The following CES3 variants were observed in gnomAD, a reference collection of about 807,000 sequenced individuals.
The protein encoded by CES3 is carboxylesterase 3.
Under a neutral mutation model 57.6 loss-of-function variants are expected in CES3, and 49 were observed. The observed-to-expected ratio is 0.85, with a 90% CI of 0.68 to 1.08. The LOEUF (loss-of-function observed/expected upper bound fraction) is 1.08, where lower values mean the gene tolerates loss of function less well. Among genes scored for constraint, CES3 ranks in the 50% least tolerant of loss-of-function variants. CES3 has a pLI of 0.00. For missense variants in CES3, 645 were observed against 742.0 expected, an observed-to-expected ratio of 0.87 and a Z score of 1.52; for synonymous variants, 266 against 281.6, an observed-to-expected ratio of 0.94 and a Z score of 0.55.
chr16:66,971,279 C>A lies in CES3; in HGVS notation c.1251C>A (p.Phe417Leu). ...TCCAGGAATTCATGGGTGACGTATT[C>A]ATCAATGTTCCCACCGTCAGTTTTT... The part of the protein sequence containing the change: ...QAFQEFMGDV[F>L]INVPTVSFSR... Residue 417 changes from phenylalanine to leucine, a missense_variant, in exon 10 of 13, where the codon TTC becomes TTA. Physicochemically the swap from Phe to Leu is conservative, Grantham distance 22. Transcript: ENST00000303334. The A allele has an allele frequency of 2.5e-6, 4 of 1,614,112 alleles. No homozygotes were observed. The highest frequency in any genetic ancestry group is 4.5e-5 in the East Asian group (2 of 44,880).
chr16:66,964,776 A>G, intron 6 of CES3, 49 bp downstream of exon 6: 1 of 1,469,910 alleles, frequency 6.8e-7, no homozygotes, highest in Non-Finnish European at 9.4e-7. Context: ...CCCATACCCC[A>G]CTCTGTGCTG....
At position 66,964,703 on chromosome 16, in the gene CES3, C is replaced by T. The variant is rs1963706044; in HGVS notation, c.795C>T (p.Asp265=). The part of the protein sequence containing the change: ...SGVITTPGII[D]SHPWPLAQKI... The stretch of plus-strand genomic sequence containing the variant: ...TCATCACCACCCCAGGGATCATCGA[C>T]TCTCACCCTTGGCCCCTAGCTCAGG... The change falls in exon 6 of 13, where the codon GAC becomes GAT. Residue 265 remains aspartate (D), a synonymous_variant. Transcript: ENST00000303334. 4 of 1,613,936 alleles carry T rather than the reference C, an allele frequency of 2.5e-6. No homozygotes were observed. Among genetic ancestry groups the T allele is most frequent in the Non-Finnish European group, 3.4e-6 (4 of 1,179,976 alleles).
intron 9 of CES3, among the ~76,000 whole-genome samples, chr16:66,970,388 G>A (rs1278177044): frequency 2.0e-5 from 3 of 152,302 alleles, no homozygotes; most frequent in South Asian, 2.1e-4. Context: ...GATTGCGAGC[G>A]TGGAGCCACC....
intron 9 of CES3, among the ~76,000 whole-genome samples, chr16:66,970,309 T>C (rs1963811160): frequency 6.6e-6 from 1 of 152,184 alleles, no homozygotes; most frequent in African/African-American, 2.4e-5. Flanking sequence ...GGTTTCACCA[T>C]GTTGGCCAGG....
chr16:66,964,769 A>C, intron 6 of CES3, 42 bp downstream of exon 6: 2 of 1,532,628 alleles, frequency 1.3e-6, no homozygotes, highest in Non-Finnish European at 1.8e-6. Context: ...TGTGCCTCCC[A>C]TACCCCACTC....
chr16:66,961,483 A>G, intron 1 of CES3, 94 bp downstream of exon 1: 1 of 983,844 alleles, frequency 1.0e-6, no homozygotes, highest in Non-Finnish European at 1.6e-6. Flanking sequence ...CGCTCAGGAA[A>G]CAGTCCTGTT....
Position 66,966,812 on chromosome 16 carries a change from G to C in CES3, c.1009G>C (p.Val337Leu), listed in dbSNP as rs1394890515. ...ELLKEKPFHS[V>L]PFLMGVNNHE... ...CCTGAAGGAGAAGCCCTTCCACTCT[G>C]TGCCCTTCCTCATGGGTGTCAACAA... The change falls in exon 8 of 13, where the codon GTG (valine) becomes CTG (leucine). Residue 337 changes from valine (V) to leucine (L), a missense_variant. Val to Leu is a conservative substitution (Grantham distance 32). Coordinates refer to ENST00000303334, the MANE Select transcript of CES3 (RefSeq NM_024922.6). 1.2e-6 allele frequency: 2 copies of C among 1,614,124 alleles called. No individual in the cohort carries two copies. The highest frequency in any genetic ancestry group is 1.7e-5 in the Admixed American group (1 of 60,014).
intron 9 of CES3, among the ~76,000 whole-genome samples, chr16:66,970,270 G>A (rs1004512687): frequency 5.3e-5 from 8 of 152,000 alleles, no homozygotes; most frequent in Admixed American, 1.3e-4. Context: ...CACCATGCCC[G>A]GCTAATTTTT....
chr16:66,967,029 C>T (rs1963743184), intron 8 of CES3, among the ~76,000 whole-genome samples, 164 bp downstream of exon 8: 1 of 152,118 alleles, frequency 6.6e-6, no homozygotes, highest in Non-Finnish European at 1.5e-5. Context: ...CCCAAGGTCA[C>T]CCAGCTTTGT....
rs563888639 is a variant in CES3, at chr16:66,963,227, G to C, written c.131G>C (p.Arg44Pro). The change falls in exon 2 of 13, where the codon CGA becomes CCA. Residue 44 changes from arginine (R) to proline (P), a missense_variant. Arg to Pro is a moderately radical substitution (Grantham distance 103). Transcript: ENST00000303334. This position sits in a 1 kb window ranked among gnomAD's most constrained non-coding sequence, Gnocchi z 4.9. ...PEVDTTLGRV[R>P]GRQVGVKGTD... ...GTAGACACCACCCTGGGTCGTGTGCGAGGCCGGCAGGTGGGCGTGAAGGGC... is the reference window on the plus strand; with the variant it reads ...GTAGACACCACCCTGGGTCGTGTGCCAGGCCGGCAGGTGGGCGTGAAGGGC... 1 of 1,614,230 alleles carries C rather than the reference G, an allele frequency of 6.2e-7. No homozygotes were observed. The highest frequency in any genetic ancestry group is 1.3e-5 in the African/African-American group (1 of 75,064).
Position 66,963,066 on chromosome 16 carries a change from G to T in CES3, c.83-113G>T, listed in dbSNP as rs1442493896. 1.7e-5 allele frequency: 19 copies of T among 1,143,446 alleles called. No homozygotes were observed. The highest frequency in any genetic ancestry group is 2.3e-5 in the Non-Finnish European group (18 of 775,118). The allele number at this position is 1,143,446 out of a possible 1,614,324, so 70.8% of individuals were successfully genotyped here. A position where few individuals can be genotyped will look rare whatever the true frequency, so the allele number is the denominator to read the frequency against. The stretch of plus-strand genomic sequence containing the variant: ...CCAGGCTCACCGGCTTGCTGGGAAG[G>T]TTACCAAGATGCTGTGTGGTAAGTA... On this transcript the variant is annotated intron_variant, in intron 1 of 12. Coordinates refer to ENST00000303334, the MANE Select transcript of CES3 (RefSeq NM_024922.6). This position sits in a 1 kb window ranked among gnomAD's most constrained non-coding sequence, Gnocchi z 4.9.
chr16:66,971,198 C>T lies in CES3; in HGVS notation c.1170C>T (p.Thr390=), dbSNP rs750177665. 2.3e-5 allele frequency: 37 copies of T among 1,613,732 alleles called. No homozygotes were observed. Among genetic ancestry groups the T allele is most frequent in the Middle Eastern group, 1.6e-4 (1 of 6,082 alleles). ...SLDVPPEMMP[T]VIDEYLGSNS... ...ATGTGCCCCCTGAGATGATGCCCACCGTCATAGATGAATACCTAGGAAGCA... is the reference window on the plus strand; with the variant it reads ...ATGTGCCCCCTGAGATGATGCCCACTGTCATAGATGAATACCTAGGAAGCA... The change falls in exon 10 of 13, where the codon ACC becomes ACT. Residue 390 remains threonine (T), a synonymous_variant. Coordinates refer to ENST00000303334, the MANE Select transcript of CES3 (RefSeq NM_024922.6).
rs1280702093 is a variant in CES3, at chr16:66,969,775, G to A, written c.1143+16G>A. 1 of 1,606,002 alleles carries A rather than the reference G, an allele frequency of 6.2e-7. No homozygotes were observed. Among genetic ancestry groups the A allele is most frequent in the South Asian group, 1.1e-5 (1 of 89,586 alleles). ...GACCAGTCTGGTGAGACAAGAGGCA[G>A]GAGGGAGGAAGCTAGGGCAGGAGGG... On this transcript the variant is annotated intron_variant, in intron 9 of 12. Transcript: ENST00000303334.
chr16:66,963,114 T>A lies in CES3; in HGVS notation c.83-65T>A, dbSNP rs768612139. ...GTACTGAGAACAGCCTGAGGGTTTG[T>A]CTTTCACTCCTTCCCCTCATGGGGG... is the stretch of plus-strand genomic sequence containing the variant. On this transcript the variant is annotated intron_variant, in intron 1 of 12. Transcript: ENST00000303334. The surrounding 1 kb of genome is among the most constrained non-coding windows in gnomAD (Gnocchi z 4.9). 2.7e-5 allele frequency: 41 copies of A among 1,527,148 alleles called. No homozygotes were observed. Among genetic ancestry groups the A allele is most frequent in the Non-Finnish European group, 3.5e-5 (39 of 1,101,322 alleles). 94.6% of individuals were successfully genotyped at this position (1,527,148 alleles called of 1,614,324 possible).
chr16:66,966,591 A>G, intron 7 of CES3, 134 bp from the exon 8 acceptor site: 1 of 1,200,388 alleles, frequency 8.3e-7, no homozygotes, highest in Non-Finnish European at 1.2e-6. Context: ...GACCCCCTTA[A>G]CCCTGGTGAT....
At position 66,972,482 on chromosome 16, in the gene CES3, T is replaced by A. The variant is rs200343874; in HGVS notation, c.1418T>A (p.Leu473His). The change falls in exon 11 of 13, where the codon CTC (leucine) becomes CAC (histidine). Residue 473 changes from leucine (L) to histidine (H), a missense_variant. By Grantham distance (99) the Leu-to-His change is moderately conservative. Coordinates refer to ENST00000303334, the MANE Select transcript of CES3 (RefSeq NM_024922.6). ...GCTTTTGTGTTCGGAGGTCCCTTCCTCATGGACGAGAGCTCCCGCCTGGGT... is the reference window on the plus strand; with the variant it reads ...GCTTTTGTGTTCGGAGGTCCCTTCCACATGGACGAGAGCTCCCGCCTGGGT... Reference protein sequence around the residue: ...EGAFVFGGPFLMDESSRLAFP... With the variant: ...EGAFVFGGPFHMDESSRLAFP... The A allele has an allele frequency of 5.0e-5, 80 of 1,613,630 alleles. 1 individual carries two copies. The Middle Eastern group carries it at 6.6e-4, about 13-fold the overall frequency.
At chr16:66,965,568 C>T (rs1040672893) in intron 6 of CES3, among the ~76,000 whole-genome samples, 1 of 152,330 alleles carries the variant, frequency 6.6e-6, no homozygotes, top group South Asian at 2.1e-4. Flanking sequence ...GGCATGTTGA[C>T]TCTTGTATGG....
chr16:66,969,388 G>A (rs546153946), intron 8 of CES3, among the ~76,000 whole-genome samples: 9 of 152,172 alleles, frequency 5.9e-5, no homozygotes, highest in Non-Finnish European at 1.3e-4. Flanking sequence ...CCTGGGCAAC[G>A]GAGTGAGTCT....
chr16:66,972,599 T>G (rs1963857200), intron 11 of CES3, 69 bp from the exon 12 acceptor site: 2 of 1,611,980 alleles, frequency 1.2e-6, no homozygotes, highest in Middle Eastern at 1.6e-4. Context: ...CAGTCAGCAC[T>G]GAGGATCCTT....
Sources: allele counts gnomAD v4.1 joint callset (sites outside exome capture counted in the v4.1 genomes callset), GRCh38; gene constraint gnomAD v4.1.1; non-coding constraint Gnocchi (gnomAD v3.1); transcripts MANE v1.5; gene names NCBI Gene and HGNC (gene_info 2026-07-23, HGNC 2026-07-21).